GNG2: variants seen among roughly 807,000 people sequenced by gnomAD.
The protein encoded by GNG2 is G protein subunit gamma 2.
A neutral mutation model predicts 5.5 loss-of-function variants in GNG2; 5 were observed. The ratio of observed to expected loss-of-function variants is 0.91; its 90% CI spans 0.48 to 1.92. The LOEUF (loss-of-function observed/expected upper bound fraction) is 1.92. Among genes scored for constraint, GNG2 ranks in the 30% most tolerant of loss-of-function variants. GNG2 has a pLI of 0.01. For missense variants in GNG2, 55 were observed against 88.4 expected, an observed-to-expected ratio of 0.62 and a Z score of 1.52; for synonymous variants, 28 against 32.0, an observed-to-expected ratio of 0.88 and a Z score of 0.42.
intron 2 of GNG2, among the ~76,000 whole-genome samples, chr14:51,891,192 G>C (rs1884832956): frequency 1.3e-5 from 2 of 152,150 alleles, no homozygotes; most frequent in South Asian, 4.1e-4. Flanking sequence ...TGCGGGGCGG[G>C]ATACCTTTTT....
intron 1 of GNG2, among the ~76,000 whole-genome samples, chr14:51,866,570 CT>C (rs80078657): frequency 3.2e-3 from 459 of 145,046 alleles, no homozygotes; most frequent in Middle Eastern, 3.5e-3. Context: ...CAACAGAAAT[CT>C]TTTTTTTTTT....
At chr14:51,835,677 T>C (rs1300912260) in intron 2 of GNG2, among the ~76,000 whole-genome samples, 1 of 152,116 alleles carries the variant, frequency 6.6e-6, no homozygotes, top group African/African-American at 2.4e-5. Context: ...ACCTACAACT[T>C]CTCAATAAAG....
At chr14:51,954,316 G>T (rs1483779624) in intron 3 of GNG2, among the ~76,000 whole-genome samples, 1 of 152,114 alleles carries the variant, frequency 6.6e-6, no homozygotes, top group Admixed American at 6.6e-5. Context: ...AAGGAAATTG[G>T]GAAGAGAGTT....
intron 2 of GNG2, among the ~76,000 whole-genome samples, chr14:51,853,280 A>T (rs1881998254): frequency 6.6e-6 from 1 of 152,204 alleles, no homozygotes; most frequent in South Asian, 2.1e-4. Flanking sequence ...GAGATGCGAG[A>T]CCTAGCCCTT....
chr14:51,957,356 T>A (rs967047436), intron 3 of GNG2, among the ~76,000 whole-genome samples: 1 of 152,216 alleles, frequency 6.6e-6, no homozygotes, highest in African/African-American at 2.4e-5. Context: ...ATTGTTTACA[T>A]TTTTTGCAGT....
chr14:51,929,090 TTTG>T (rs1444911203), intron 2 of GNG2, among the ~76,000 whole-genome samples: 1 of 152,170 alleles, frequency 6.6e-6, no homozygotes, highest in Non-Finnish European at 1.5e-5. Context: ...GATCTTTGGG[TTTG>T]TAGGACCAAA....
intron 2 of GNG2, among the ~76,000 whole-genome samples, chr14:51,906,585 A>G (rs954747971): frequency 9.9e-5 from 15 of 152,196 alleles, no homozygotes; most frequent in African/African-American, 3.6e-4. Flanking sequence ...ATCTCAATAC[A>G]TTATAGGATA....
At chr14:51,910,531 T>A (rs997153879) in intron 2 of GNG2, among the ~76,000 whole-genome samples, 12 of 152,160 alleles carry the variant, frequency 7.9e-5, no homozygotes, top group African/African-American at 2.9e-4. Flanking sequence ...AAGCGAGAGA[T>A]CTCAGCTGGG....
At chr14:51,922,906 A>G (rs111737125) in intron 2 of GNG2, among the ~76,000 whole-genome samples, 57 of 152,304 alleles carry the variant, frequency 3.7e-4, no homozygotes, top group African/African-American at 1.3e-3. Flanking sequence ...AGGAGAAGGG[A>G]AAGCCTTGTG....
At chr14:51,868,258 A>C (rs1446054731) in intron 1 of GNG2, among the ~76,000 whole-genome samples, 5 of 151,830 alleles carry the variant, frequency 3.3e-5, no homozygotes, top group African/African-American at 9.7e-5. Flanking sequence ...ATTGAGAGAG[A>C]CTCAGTAAAC....
At chr14:51,937,317 C>G (rs1888062928) in intron 2 of GNG2, among the ~76,000 whole-genome samples, 1 of 152,168 alleles carries the variant, frequency 6.6e-6, no homozygotes, top group Non-Finnish European at 1.5e-5. Context: ...ACTTCATTCT[C>G]TAAAGGAAAT....
chr14:51,888,568 C>T (rs550993744), intron 2 of GNG2, among the ~76,000 whole-genome samples: 9 of 152,252 alleles, frequency 5.9e-5, no homozygotes, highest in African/African-American at 2.2e-4. Context: ...AATCTTCCTA[C>T]CTCAGCCTCA....
intron 2 of GNG2, among the ~76,000 whole-genome samples, chr14:51,879,576 A>G (rs902838285): frequency 6.6e-6 from 1 of 152,204 alleles, no homozygotes; most frequent in Non-Finnish European, 1.5e-5. Context: ...CAAAATATCA[A>G]CAAGACTGTG....
At chr14:51,958,181 C>T (rs201051769) in intron 3 of GNG2, among the ~76,000 whole-genome samples, 1 of 152,144 alleles carries the variant, frequency 6.6e-6, no homozygotes, top group East Asian at 1.9e-4. Context: ...TGGCATGCTG[C>T]CCTCATTCTT....
intron 2 of GNG2, among the ~76,000 whole-genome samples, chr14:51,885,500 A>G (rs1340004714): frequency 1.3e-5 from 2 of 151,990 alleles, no homozygotes; most frequent in Non-Finnish European, 2.9e-5. Context: ...TCTAATCAAT[A>G]CCCATAATGA....
At position 51,876,239 on chromosome 14, in the gene GNG2, C is replaced by T. The variant is rs185264970; in HGVS notation, c.-70-1378C>T. Among the ~76,000 whole-genome samples the T allele has an allele frequency of 2.7e-4, 41 of 151,940 alleles. No individual in the cohort carries two copies. In the East Asian group the frequency reaches 6.9e-3, roughly 26 times the overall value. On this transcript the variant is annotated intron_variant, in intron 1 of 3. Transcript: ENST00000556766. ...CAGACATGAGCCACTGCACCTGGCC[C>T]GTTTAAATTTCTTGTATTCATTGTT...
rs34653524 is a variant in GNG2, at chr14:51,966,209, C to CAAAAAAAAAAAAA, written c.88-334_88-322dup. Among the ~76,000 whole-genome samples, 24 of 28,136 alleles carry CAAAAAAAAAAAAA rather than the reference C, an allele frequency of 8.5e-4. 4 individuals carry two copies. The highest frequency in any genetic ancestry group is 1.1e-3 in the Non-Finnish European group (19 of 17,400). The allele number at this position is 28,136 out of a possible 152,430, so 18.5% of individuals were successfully genotyped here. Reference sequence around the variant, plus strand: ...TGGGCAACAGAGCGAGACTGCATCTCAAAAAAAAAAAAAAAAAAAAAAAAA... The same window carrying CAAAAAAAAAAAAA: ...TGGGCAACAGAGCGAGACTGCATCTCAAAAAAAAAAAAAAAAAAAAAAAAAAAAAAAAAAAAAA... On this transcript the variant is annotated intron_variant, in intron 3 of 3. Transcript: ENST00000556766.
intron 1 of GNG2, among the ~76,000 whole-genome samples, chr14:51,863,303 T>A (rs1408091599): frequency 2.6e-5 from 4 of 152,230 alleles, no homozygotes; most frequent in Non-Finnish European, 4.4e-5. Flanking sequence ...TACATTAACT[T>A]AGGAACCTCA....
At chr14:51,876,457 C>T in intron 1 of GNG2, among the ~76,000 whole-genome samples, 1 of 152,142 alleles carries the variant, frequency 6.6e-6, no homozygotes, top group East Asian at 1.9e-4. Context: ...GACCAGACGG[C>T]TTTCCAGAGT....
Sources: allele counts gnomAD v4.1 joint callset (sites outside exome capture counted in the v4.1 genomes callset), GRCh38; gene constraint gnomAD v4.1.1; transcripts MANE v1.5; gene names NCBI Gene and HGNC (gene_info 2026-07-23, HGNC 2026-07-21).